Variants in PKIG observed in about 807,000 individuals in gnomAD.
The protein encoded by PKIG is cAMP-dependent protein kinase inhibitor gamma.
In PKIG, 1 loss-of-function variant was observed where a neutral mutation model predicts 6.8. That is an observed-to-expected ratio of 0.15 (90% CI 0.05 to 0.69). The LOEUF (loss-of-function observed/expected upper bound fraction) is 0.69, where lower values mean the gene tolerates loss of function less well. PKIG is among the 30% of genes least tolerant of loss of function. The pLI is 0.82. For synonymous variants in PKIG, 39 were observed against 43.0 expected, an observed-to-expected ratio of 0.91 and a Z score of 0.36; for missense variants, 77 against 104.0, an observed-to-expected ratio of 0.74 and a Z score of 1.13.
At chr20:44,567,380 A>C (rs2123273111) in intron 1 of PKIG, among the ~76,000 whole-genome samples, 1 of 152,400 alleles carries the variant, frequency 6.6e-6, no homozygotes, top group African/African-American at 2.4e-5. Context: ...TCAGGAGCTC[A>C]GAGGCTGCTC....
intron 2 of PKIG, among the ~76,000 whole-genome samples, chr20:44,593,239 A>G (rs1026188972): frequency 1.3e-5 from 2 of 152,006 alleles, no homozygotes. Context: ...CCAAGGTGGG[A>G]GGATCACTTG....
chr20:44,594,587 G>A (rs766268847), intron 2 of PKIG, among the ~76,000 whole-genome samples: 8 of 152,186 alleles, frequency 5.3e-5, no homozygotes, highest in Non-Finnish European at 7.3e-5. Flanking sequence ...TTTGCTCAGC[G>A]TCATGCAGCT....
At chr20:44,617,094 T>G (rs74673238) in intron 3 of PKIG, among the ~76,000 whole-genome samples, 7,129 of 152,258 alleles carry the variant, frequency 0.047, 226 homozygotes, top group Non-Finnish European at 0.067. Flanking sequence ...CTCATGCATA[T>G]CATGACCCTA....
chr20:44,618,247 ATATGTGCCCAAGAAAAACCTC>A lies in PKIG; in HGVS notation c.152-36_152-16del. Reference sequence around the variant, plus strand: ...CCTCCTTCTGTGCATTACTTTGTGTATATGTGCCCAAGAAAAACCTCTTTCTCTCCTCTCCAGAAGGACAGG... The same window carrying A: ...CCTCCTTCTGTGCATTACTTTGTGTATTTCTCTCCTCTCCAGAAGGACAGG... On this transcript the variant is annotated splice_polypyrimidine_tract_variant and intron_variant, in intron 3 of 3. Coordinates refer to ENST00000372886, the MANE Select transcript of PKIG (RefSeq NM_001281445.2). The A allele has an allele frequency of 1.5e-6, 2 of 1,315,172 alleles. No homozygotes were observed. The highest frequency in any genetic ancestry group is 1.1e-6 in the Non-Finnish European group (1 of 907,324). The allele number at this position is 1,315,172 out of a possible 1,614,324, so 81.5% of individuals were successfully genotyped here. A position where few individuals can be genotyped will look rare whatever the true frequency, so the allele number is the denominator to read the frequency against.
chr20:44,547,771 A>G (rs181129789), intron 1 of PKIG, among the ~76,000 whole-genome samples: 172 of 152,290 alleles, frequency 1.1e-3, no homozygotes, highest in Non-Finnish European at 2.0e-3. Context: ...GCGGTTGCTC[A>G]TTCCTGTAAT....
intron 1 of PKIG, among the ~76,000 whole-genome samples, chr20:44,576,762 A>C (rs897227891): frequency 6.6e-6 from 1 of 152,204 alleles, no homozygotes. Context: ...CATCTCTCCC[A>C]AAACAGCTGT....
At chr20:44,592,848 A>C (rs924612237) in intron 2 of PKIG, among the ~76,000 whole-genome samples, 1 of 152,208 alleles carries the variant, frequency 6.6e-6, no homozygotes, top group Non-Finnish European at 1.5e-5. Flanking sequence ...GCCCAGTAGA[A>C]TCAATATTGT....
intron 1 of PKIG, among the ~76,000 whole-genome samples, chr20:44,546,069 G>A (rs138628588): frequency 0.022 from 3,332 of 152,178 alleles, 181 homozygotes; most frequent in Admixed American, 0.14. Flanking sequence ...GGGAAATACA[G>A]CAAAACCCTG....
intron 1 of PKIG, among the ~76,000 whole-genome samples, chr20:44,572,993 C>T (rs73615487): frequency 0.011 from 1,734 of 152,280 alleles, 16 homozygotes; most frequent in East Asian, 0.064. Flanking sequence ...GCCCTGGGGC[C>T]CCATGGCTGT....
At chr20:44,617,256 A>G (rs1250339169) in intron 3 of PKIG, among the ~76,000 whole-genome samples, 1 of 152,000 alleles carries the variant, frequency 6.6e-6, no homozygotes, top group East Asian at 1.9e-4. Context: ...CTGGATTTGA[A>G]CTCAGGCCCT....
intron 1 of PKIG, among the ~76,000 whole-genome samples, chr20:44,577,023 G>C (rs2064904433): frequency 1.3e-5 from 2 of 152,074 alleles, no homozygotes; most frequent in African/African-American, 4.8e-5. Flanking sequence ...AATACGTTGA[G>C]CAATGTCTTA....
At chr20:44,539,407 T>C (rs987337717) in intron 1 of PKIG, among the ~76,000 whole-genome samples, 13 of 151,832 alleles carry the variant, frequency 8.6e-5, no homozygotes, top group African/African-American at 2.9e-4. Context: ...CACAAATTTG[T>C]AAACTTTCTT....
chr20:44,541,396 C>T (rs1200919421), intron 1 of PKIG, among the ~76,000 whole-genome samples: 1 of 151,892 alleles, frequency 6.6e-6, no homozygotes, highest in Non-Finnish European at 1.5e-5. Flanking sequence ...TCAAGTGATC[C>T]TCTCACCTCA....
intron 1 of PKIG, among the ~76,000 whole-genome samples, chr20:44,557,848 A>G (rs1485739374): frequency 1.3e-5 from 2 of 151,862 alleles, no homozygotes; most frequent in African/African-American, 2.4e-5. Flanking sequence ...AATAAAAAAA[A>G]AAGCTGTGGT....
intron 2 of PKIG, among the ~76,000 whole-genome samples, chr20:44,594,256 T>C (rs1316071647): frequency 1.3e-5 from 2 of 152,232 alleles, no homozygotes; most frequent in African/African-American, 4.8e-5. Context: ...TCTTGTCATG[T>C]GAGCCAGGCA....
At chr20:44,535,104 G>A (rs957273752) in intron 1 of PKIG, among the ~76,000 whole-genome samples, 1 of 152,160 alleles carries the variant, frequency 6.6e-6, no homozygotes, top group Non-Finnish European at 1.5e-5. Context: ...GTAATTGTAG[G>A]AGAACTGACA....
chr20:44,618,541 A>ACACC lies in PKIG; in HGVS notation c.*181_*184dup. 1.7e-6 allele frequency: 1 copy of ACACC among 574,790 alleles called. No individual in the cohort carries two copies. Among genetic ancestry groups the ACACC allele is most frequent in the Non-Finnish European group, 3.1e-6 (1 of 319,422 alleles). 35.6% of individuals were successfully genotyped at this position (574,790 alleles called of 1,614,324 possible). On this transcript the variant is annotated 3_prime_UTR_variant, in exon 4 of 4. Transcript: ENST00000372886. ...TCCACTCCGGGAAAGCCCTCTGCCC[A>ACACC]CACCCACAGGCTTCACATTCCCACC...
intron 1 of PKIG, among the ~76,000 whole-genome samples, chr20:44,573,284 C>G (rs886540765): frequency 2.6e-5 from 4 of 152,368 alleles, no homozygotes; most frequent in African/African-American, 7.2e-5. Context: ...CCCTCTCTCT[C>G]TCTTTAAAAT....
At chr20:44,543,483 G>T (rs244127) in intron 1 of PKIG, among the ~76,000 whole-genome samples, 142,684 of 152,276 alleles carry the variant, frequency 0.94, 66,962 homozygotes, top group East Asian at 1. Context: ...AGACCTGACT[G>T]ACTTTGGCCT....
Sources: allele counts gnomAD v4.1 joint callset (sites outside exome capture counted in the v4.1 genomes callset), GRCh38; gene constraint gnomAD v4.1.1; transcripts MANE v1.5; gene names NCBI Gene and HGNC (gene_info 2026-07-23, HGNC 2026-07-21).